TMEM63C: variants seen among roughly 807,000 people sequenced by gnomAD.
The protein encoded by TMEM63C is transmembrane protein 63C, also known as osmosensitive cation channel TMEM63C.
In TMEM63C, 32 loss-of-function variants were observed where a neutral mutation model predicts 99.2. That is an observed-to-expected ratio of 0.32 (90% CI 0.24 to 0.43). TMEM63C has a LOEUF of 0.43. TMEM63C is among the 20% of genes least tolerant of loss of function. The probability of loss-of-function intolerance (pLI) is 1.00; values close to 1 mark genes in which losing one functional copy is unlikely to be tolerated. For synonymous variants in TMEM63C, 376 were observed against 397.9 expected, an observed-to-expected ratio of 0.94 and a Z score of 0.66; for missense variants, 826 against 1,053.0, an observed-to-expected ratio of 0.78 and a Z score of 2.98.
At chr14:77,245,218 A>G (rs996086556) in intron 16 of TMEM63C, among the ~76,000 whole-genome samples, 2 of 152,222 alleles carry the variant, frequency 1.3e-5, no homozygotes, top group African/African-American at 4.8e-5. Flanking sequence ...ACACAGAGAC[A>G]TCAACTATAT....
intron 21 of TMEM63C, 168 bp from the exon 22 acceptor site, chr14:77,251,621 A>G (rs1002083410): frequency 2.1e-5 from 13 of 613,678 alleles, no homozygotes; most frequent in Non-Finnish European, 2.6e-5. Flanking sequence ...TAACAGAGCA[A>G]AGGGATGATG....
At chr14:77,237,270 G>T (rs1186560252) in intron 9 of TMEM63C, among the ~76,000 whole-genome samples, 2 of 152,028 alleles carry the variant, frequency 1.3e-5, no homozygotes, top group Non-Finnish European at 2.9e-5. Flanking sequence ...TAGTGTACCT[G>T]GCCCTGCCCA....
intron 1 of TMEM63C, among the ~76,000 whole-genome samples, chr14:77,187,334 C>G (rs1202068622): frequency 6.6e-6 from 1 of 152,196 alleles, no homozygotes; most frequent in Non-Finnish European, 1.5e-5. Context: ...TGCGTTTCTC[C>G]CCTTCCCCTC....
chr14:77,247,067 G>A (rs1019994572), intron 18 of TMEM63C, among the ~76,000 whole-genome samples: 9 of 152,138 alleles, frequency 5.9e-5, no homozygotes, highest in Non-Finnish European at 1.0e-4. Flanking sequence ...CCAGTTTTAC[G>A]TGTACTCTGA....
chr14:77,213,787 G>A (rs898618314), intron 2 of TMEM63C, among the ~76,000 whole-genome samples: 1 of 7,298 alleles, frequency 1.4e-4, no homozygotes, highest in Non-Finnish European at 8.6e-4. Context: ...CTGGCTAAAC[G>A]TGCTAGTGAG....
At chr14:77,239,367 C>G (rs1159731142) in intron 10 of TMEM63C, 45 bp from the exon 11 acceptor site, 1 of 1,603,822 alleles carries the variant, frequency 6.2e-7, no homozygotes, top group East Asian at 2.2e-5. Flanking sequence ...GGCAGCACAT[C>G]CCCAACCCCA....
rs1401076679 is a variant in TMEM63C, at chr14:77,242,358, A to G, written c.1076A>G (p.Asp359Gly). The G allele has an allele frequency of 1.2e-6, 2 of 1,609,784 alleles. No homozygotes were observed. Among genetic ancestry groups the G allele is most frequent in the South Asian group, 1.1e-5 (1 of 90,988 alleles). ...TCCCCTCTCTGCAGTGTCCGTAAGGATTACAAGTATGTCCAGTGTGGTGTG... is the reference window on the plus strand; with the variant it reads ...TCCCCTCTCTGCAGTGTCCGTAAGGGTTACAAGTATGTCCAGTGTGGTGTG... ...DSRMAKRVRKDYKYVQCGVQP... is the reference protein window; with the variant it reads ...DSRMAKRVRKGYKYVQCGVQP... The change falls in exon 14 of 24, where the codon GAT (aspartate) becomes GGT (glycine). Residue 359 changes from aspartate to glycine, a missense_variant. Asp to Gly is a moderately conservative substitution (Grantham distance 94). Coordinates refer to ENST00000298351, the MANE Select transcript of TMEM63C (RefSeq NM_020431.4).
intron 1 of TMEM63C, among the ~76,000 whole-genome samples, chr14:77,191,364 C>G (rs1888101031): frequency 6.6e-6 from 1 of 152,084 alleles, no homozygotes; most frequent in South Asian, 2.1e-4. Context: ...TATTCTTTAC[C>G]TGTAGCCTAA....
chr14:77,253,340 G>A lies in TMEM63C; in HGVS notation c.2184G>A (p.Met728Ile), dbSNP rs1889404093. ...AGGAGATCCAGACAGTGTTTGACATGGAGCCAAGCAGCACCTCCTCCACGC... is the reference window on the plus strand; with the variant it reads ...AGGAGATCCAGACAGTGTTTGACATAGAGCCAAGCAGCACCTCCTCCACGC... Reference protein sequence around the residue: ...EEEEIQTVFDMEPSSTSSTPT... With the variant: ...EEEEIQTVFDIEPSSTSSTPT... The change falls in exon 23 of 24, where the codon ATG becomes ATA. Residue 728 changes from methionine (M) to isoleucine (I), a missense_variant. Transcript: ENST00000298351. The A allele has an allele frequency of 3.1e-6, 5 of 1,613,114 alleles. No homozygotes were observed. Among genetic ancestry groups the A allele is most frequent in the Non-Finnish European group, 2.5e-6 (3 of 1,179,672 alleles).
chr14:77,207,578 C>A (rs548815368), intron 1 of TMEM63C, among the ~76,000 whole-genome samples: 3 of 152,352 alleles, frequency 2.0e-5, no homozygotes, highest in South Asian at 4.1e-4. Flanking sequence ...AGATTCTAAT[C>A]CTGCCTTTGT....
chr14:77,248,729 C>T, intron 19 of TMEM63C, 38 bp from the exon 20 acceptor site: 1 of 1,593,916 alleles, frequency 6.3e-7, no homozygotes, highest in Middle Eastern at 1.7e-4. Flanking sequence ...GCCAAGGGGA[C>T]TGGGCCACCT....
intron 1 of TMEM63C, among the ~76,000 whole-genome samples, chr14:77,208,143 A>G (rs1361110495): frequency 6.6e-6 from 1 of 152,238 alleles, no homozygotes; most frequent in Admixed American, 6.5e-5. Context: ...AATCTTAAGC[A>G]AAACCAGGAC....
In TMEM63C at chr14:77,242,406, C is replaced by A. The variant is rs1889193845; in HGVS notation, c.1124C>A (p.Thr375Asn). 1 of 1,613,776 alleles carries A rather than the reference C, an allele frequency of 6.2e-7. No homozygotes were observed. The highest frequency in any genetic ancestry group is 2.2e-5 in the East Asian group (1 of 44,870). The change falls in exon 14 of 24, where the codon ACC (threonine) becomes AAC (asparagine). Residue 375 changes from threonine to asparagine, a missense_variant. Thr to Asn is a moderately conservative substitution (Grantham distance 65, BLOSUM62 0). Coordinates refer to ENST00000298351, the MANE Select transcript of TMEM63C (RefSeq NM_020431.4). ...CGVQPQQSSV[T>N]TIVKSYYWRV... is the part of the protein sequence containing the mutation. ...GTGCAACCCCAGCAGTCCTCAGTGA[C>A]CACCATCGTCAAATCATATTACTGG...
At chr14:77,228,362 C>T (rs1270984084) in intron 6 of TMEM63C, among the ~76,000 whole-genome samples, 1 of 151,020 alleles carries the variant, frequency 6.6e-6, no homozygotes, top group African/African-American at 2.4e-5. Context: ...GCAAGAGGAC[C>T]TTCCCCCGCT....
At position 77,256,734 on chromosome 14, in the gene TMEM63C, C is replaced by A; in HGVS notation, c.*8C>A. On this transcript the variant is annotated 3_prime_UTR_variant, in exon 24 of 24. Coordinates refer to ENST00000298351, the MANE Select transcript of TMEM63C (RefSeq NM_020431.4). ...CAGAACCAGTACCACTGACCGGGAC[C>A]TGAGGCCTCCACTGGCGACTTGTTG... 6.2e-7 allele frequency: 1 copy of A among 1,612,652 alleles called. No homozygotes were observed. The highest frequency in any genetic ancestry group is 1.7e-4 in the Middle Eastern group (1 of 6,038).
chr14:77,236,857 G>A (rs1889070051), intron 9 of TMEM63C, 125 bp downstream of exon 9: 2 of 693,620 alleles, frequency 2.9e-6, no homozygotes, highest in Admixed American at 2.2e-5. Flanking sequence ...ATGGGAGGGG[G>A]CGGTTTCACC....
intron 1 of TMEM63C, among the ~76,000 whole-genome samples, chr14:77,194,004 C>T (rs192418218): frequency 2.0e-5 from 3 of 152,088 alleles, no homozygotes; most frequent in Admixed American, 6.5e-5. Context: ...TGTCTCAAAA[C>T]AAATAAACAA....
chr14:77,206,813 TTAAA>T (rs1338511473), intron 1 of TMEM63C, among the ~76,000 whole-genome samples: 4 of 152,258 alleles, frequency 2.6e-5, no homozygotes, highest in African/African-American at 9.6e-5. Context: ...CATGTTCATA[TTAAA>T]TAGTTTTTCA....
At chr14:77,189,116 CTT>C (rs56357136) in intron 1 of TMEM63C, among the ~76,000 whole-genome samples, 1 of 146,386 alleles carries the variant, frequency 6.8e-6, no homozygotes, top group Non-Finnish European at 1.5e-5. Flanking sequence ...TTTTCTTTTT[CTT>C]TTTTTTTTTG....
Sources: allele counts gnomAD v4.1 joint callset (sites outside exome capture counted in the v4.1 genomes callset), GRCh38; gene constraint gnomAD v4.1.1; transcripts MANE v1.5; gene names NCBI Gene and HGNC (gene_info 2026-07-23, HGNC 2026-07-21).